Variants in DMD observed in about 807,000 individuals in gnomAD.
The protein encoded by DMD is dystrophin.
DMD carries 63 observed loss-of-function variants against 330.1 expected under a neutral mutation model. The observed-to-expected ratio is 0.19, with a 90% CI of 0.16 to 0.24. The LOEUF is 0.24. Ranked by LOEUF, DMD falls within the 10% of genes least tolerant of loss-of-function variation. The pLI, the probability that DMD is intolerant of heterozygous loss-of-function variation, is 1.00. For missense variants in DMD, 3,344 were observed against 2,684.1 expected, an observed-to-expected ratio of 1.25 and a Z score of -5.43; for synonymous variants, 1,223 against 959.8, an observed-to-expected ratio of 1.27 and a Z score of -5.07.
chrX:32,079,882 G>A (rs1049576053), intron 44 of DMD, among the ~76,000 whole-genome samples: 2 of 111,975 alleles, frequency 1.8e-5, no homozygotes, highest in Non-Finnish European at 3.8e-5. Flanking sequence ...TGTAATAGGT[G>A]TTTGATAAAC....
chrX:31,439,213 C>G (rs762303220), intron 60 of DMD, among the ~76,000 whole-genome samples: 2 of 111,539 alleles, frequency 1.8e-5, no homozygotes, highest in African/African-American at 6.5e-5. Context: ...GGTGGGCCAT[C>G]ATGGAAGTAA....
At chrX:32,386,068 GATTA>G (rs751065690) in intron 33 of DMD, among the ~76,000 whole-genome samples, 10 of 109,920 alleles carry the variant, frequency 9.1e-5, no homozygotes, top group Middle Eastern at 4.6e-3. Context: ...GAGCCTCACT[GATTA>G]ATTATTGTTT....
chrX:32,910,749 C>T (rs1394593130), intron 2 of DMD, among the ~76,000 whole-genome samples: 1 of 112,158 alleles, frequency 8.9e-6, no homozygotes, highest in South Asian at 3.7e-4. Context: ...CCCTAGAACA[C>T]ACTTTCTTAG....
In DMD at chrX:31,986,223, T is replaced by A. The variant is rs937251969; in HGVS notation, c.6439-17709A>T. ...GAGTTTACTATATTGTATTGCATTT[T>A]AAAATGACATATAAAATTTAAAATA... On this transcript the variant is annotated intron_variant, in intron 44 of 78. Transcript: ENST00000357033. Among the ~76,000 whole-genome samples, 11 of 111,620 alleles carry A rather than the reference T, an allele frequency of 9.9e-5. No homozygotes were observed. The East Asian group carries it at 2.0e-3, about 20-fold the overall frequency.
rs769136768 is a variant in DMD, at chrX:31,789,692, T to C, written c.7310-15500A>G. 5.4e-5 allele frequency among the ~76,000 whole-genome samples: 6 copies of C among 111,644 alleles called. No homozygotes were observed. In the East Asian group the frequency reaches 1.7e-3, roughly 31 times the overall value. ...CTAGATAAGAACTAAAAGTAAAATG[T>C]ATTTCCTCTACTGTAAAATTACAAT... On this transcript the variant is annotated intron_variant, in intron 50 of 78. Transcript: ENST00000357033.
chrX:32,333,397 A>T (rs886588103), intron 41 of DMD, among the ~76,000 whole-genome samples: 1 of 110,711 alleles, frequency 9.0e-6, no homozygotes, highest in Non-Finnish European at 1.9e-5. Context: ...ATGTTCTTTC[A>T]TTGTTTTTGA....
intron 7 of DMD, among the ~76,000 whole-genome samples, chrX:32,718,769 T>G (rs1168508420): frequency 1.8e-5 from 2 of 112,164 alleles, no homozygotes; most frequent in African/African-American, 6.5e-5. Context: ...AAAACATCAA[T>G]TAAATGAAAG....
intron 1 of DMD, among the ~76,000 whole-genome samples, chrX:33,299,502 G>T (rs1195573153): frequency 1.8e-5 from 2 of 111,538 alleles, no homozygotes; most frequent in East Asian, 2.8e-4. Flanking sequence ...ACTTGACTCC[G>T]TGCAGATTCT....
intron 9 of DMD, among the ~76,000 whole-genome samples, chrX:32,693,433 CCATCAACTATT>C (rs768252428): frequency 2.3e-4 from 26 of 111,831 alleles, no homozygotes; most frequent in Admixed American, 2.3e-3. Flanking sequence ...GTCCCTGTGG[CCATCAACTATT>C]CAGGGTAGTG....
chrX:33,044,835 A>C lies in DMD; in HGVS notation c.32-24635T>G, dbSNP rs770805037. Among the ~76,000 whole-genome samples the C allele has an allele frequency of 1.9e-4, 21 of 112,222 alleles. No individual in the cohort carries two copies. The South Asian group carries it at 3.0e-3, about 16-fold the overall frequency. On this transcript the variant is annotated intron_variant, in intron 1 of 78. Coordinates refer to ENST00000357033, the MANE Select transcript of DMD (RefSeq NM_004006.3). ...TCTGCCTGAATACCAGAAGGAATTC[A>C]TTTTTCACTTTAGCTTGAAATTTAC... is the stretch of plus-strand genomic sequence containing the variant.
chrX:31,182,347 T>C (rs1177593249), intron 68 of DMD, among the ~76,000 whole-genome samples: 2 of 112,410 alleles, frequency 1.8e-5, no homozygotes, highest in African/African-American at 6.5e-5. Context: ...CTCAGTTTTA[T>C]AACTGATTCT....
intron 76 of DMD, among the ~76,000 whole-genome samples, chrX:31,141,099 G>C (rs2035980828): frequency 9.0e-6 from 1 of 111,060 alleles, no homozygotes; most frequent in African/African-American, 3.3e-5. Context: ...GGGTGAGGCA[G>C]GAGAATCGCT....
intron 44 of DMD, among the ~76,000 whole-genome samples, chrX:32,203,960 A>C (rs1378885175): frequency 9.0e-6 from 1 of 111,651 alleles, no homozygotes; most frequent in Non-Finnish European, 1.9e-5. Flanking sequence ...TCTCAACTTT[A>C]CTGATGACAA....
At chrX:32,164,660 T>A (rs758709725) in intron 44 of DMD, among the ~76,000 whole-genome samples, 1 of 111,594 alleles carries the variant, frequency 9.0e-6, no homozygotes, top group East Asian at 2.8e-4. Context: ...AATTTGCATA[T>A]TTAACAAGGA....
intron 67 of DMD, among the ~76,000 whole-genome samples, chrX:31,188,908 T>G (rs1404324480): frequency 8.9e-6 from 1 of 111,790 alleles, no homozygotes; most frequent in Non-Finnish European, 1.9e-5. Flanking sequence ...ATTCTCAATA[T>G]CTGGAATTTC....
intron 44 of DMD, among the ~76,000 whole-genome samples, chrX:32,077,381 T>A (rs1416593973): frequency 9.0e-6 from 1 of 111,636 alleles, no homozygotes; most frequent in Non-Finnish European, 1.9e-5. Flanking sequence ...ATAATTGTTA[T>A]CTTATTAATC....
At chrX:33,008,909 CAT>C (rs912401762) in intron 2 of DMD, among the ~76,000 whole-genome samples, 1 of 78,008 alleles carries the variant, frequency 1.3e-5, no homozygotes, top group Non-Finnish European at 2.7e-5. Context: ...TACACATACT[CAT>C]ATATGTATAT....
rs768765235 is a variant in DMD at position 32,069,403 on chromosome X, C to T, written c.6439-100889G>A. 2.1e-3 allele frequency among the ~76,000 whole-genome samples: 235 copies of T among 111,218 alleles called. 1 individual carries two copies. Among genetic ancestry groups the T allele is most frequent in the African/African-American group, 7.4e-3 (227 of 30,717 alleles). On this transcript the variant is annotated intron_variant, in intron 44 of 78. Transcript: ENST00000357033. The stretch of plus-strand genomic sequence containing the variant: ...TTATTTTATAGGTAAAAATATTTTT[C>T]TCATATACATAATTATGGTAGAATT...
chrX:32,102,052 A>G (rs1427239709), intron 44 of DMD: 3 of 111,345 alleles, frequency 2.7e-5, no homozygotes, highest in Non-Finnish European at 5.7e-5. Context: ...CATGAGCAAA[A>G]AGGCTCTAAC....
Sources: allele counts gnomAD v4.1 joint callset (sites outside exome capture counted in the v4.1 genomes callset), GRCh38; gene constraint gnomAD v4.1.1; transcripts MANE v1.5; gene names NCBI Gene and HGNC (gene_info 2026-07-23, HGNC 2026-07-21).